The following VPS45 variants were observed in gnomAD, a reference collection of about 807,000 sequenced individuals.
The protein encoded by VPS45 is vacuolar protein sorting 45 homolog, also known as vacuolar protein sorting-associated protein 45.
A neutral mutation model predicts 75.9 loss-of-function variants in VPS45; 35 were observed. The observed-to-expected ratio is 0.46, with a 90% CI of 0.35 to 0.61. The LOEUF is 0.61. VPS45 is among the 20% of genes least tolerant of loss of function. The pLI is 0.00. For synonymous variants in VPS45, 220 were observed against 238.2 expected, an observed-to-expected ratio of 0.92 and a Z score of 0.70; for missense variants, 559 against 685.9, an observed-to-expected ratio of 0.81 and a Z score of 2.07.
At chr1:150,104,664 G>T (rs1657221398) in intron 13 of VPS45, among the ~76,000 whole-genome samples, 1 of 152,106 alleles carries the variant, frequency 6.6e-6, no homozygotes, top group Non-Finnish European at 1.5e-5. Context: ...AGCCTTCCCA[G>T]GCTCAAGTGA....
chr1:150,096,631 G>A (rs1175336187), intron 13 of VPS45, among the ~76,000 whole-genome samples: 1 of 152,156 alleles, frequency 6.6e-6, no homozygotes, highest in African/African-American at 2.4e-5. Context: ...AGTCTTCATG[G>A]AATAAAAGTG....
chr1:150,085,076 C>T (rs782660672), intron 10 of VPS45, among the ~76,000 whole-genome samples: 30 of 151,954 alleles, frequency 2.0e-4, no homozygotes, highest in Non-Finnish European at 4.1e-4. Flanking sequence ...AAAGATGTAT[C>T]CTAATCTATT....
At chr1:150,076,343 T>C in intron 4 of VPS45, 31 bp downstream of exon 4, 1 of 1,540,556 alleles carries the variant, frequency 6.5e-7, no homozygotes, top group Non-Finnish European at 8.9e-7. Flanking sequence ...ACACATCTCG[T>C]ATGTTGGCCC....
chr1:150,102,572 A>G (rs1473494487), intron 13 of VPS45, among the ~76,000 whole-genome samples: 1 of 151,606 alleles, frequency 6.6e-6, no homozygotes, highest in Non-Finnish European at 1.5e-5. Flanking sequence ...ACACGTGCAC[A>G]CAAATGTTCA....
intron 10 of VPS45, among the ~76,000 whole-genome samples, chr1:150,089,691 T>TA (rs782054765): frequency 5.3e-5 from 8 of 152,296 alleles, no homozygotes; most frequent in South Asian, 2.1e-4. Context: ...GTTTTAAACT[T>TA]ACGCTGTTGA....
At chr1:150,125,295 TC>T (rs1461024880) in intron 14 of VPS45, among the ~76,000 whole-genome samples, 150,057 of 150,062 alleles carry the variant, frequency 1, 75,026 homozygotes, top group Middle Eastern at 1. Flanking sequence ...TTCAAAATCT[TC>T]TTTTTTCTGT....
chr1:150,113,742 A>G (rs1657772426), intron 14 of VPS45, among the ~76,000 whole-genome samples: 1 of 151,926 alleles, frequency 6.6e-6, no homozygotes, highest in Admixed American at 6.6e-5. Flanking sequence ...CTAAAAATAC[A>G]AAAATTAGCC....
At chr1:150,095,671 A>T (rs1367496039) in intron 13 of VPS45, among the ~76,000 whole-genome samples, 1 of 151,308 alleles carries the variant, frequency 6.6e-6, no homozygotes, top group Non-Finnish European at 1.5e-5. Context: ...AAGCAGAGGG[A>T]AACACCAGAG....
chr1:150,067,599 G>A, upstream of VPS45: 4 of 476,430 alleles, frequency 8.4e-6, no homozygotes, highest in Non-Finnish European at 1.5e-5. Context: ...GGCATCTTCA[G>A]GCCGCAGGTG....
rs587748892 is a variant in VPS45, at chr1:150,116,119, G to A, written c.1625+5492G>A. On this transcript the variant is annotated intron_variant, in intron 14 of 14. Transcript: ENST00000644510. ...CTCCCTTAATTCTAGAAATGGAAGT[G>A]TCAGTGTGGTTATGATCTTGGGAGT... Among the ~76,000 whole-genome samples, 42 of 152,334 alleles carry A rather than the reference G, an allele frequency of 2.8e-4. No homozygotes were observed. In the South Asian group the frequency reaches 6.6e-3, roughly 24 times the overall value.
chr1:150,070,780 G>A (rs1553796896), intron 2 of VPS45, among the ~76,000 whole-genome samples: 1 of 151,936 alleles, frequency 6.6e-6, no homozygotes, highest in Non-Finnish European at 1.5e-5. Flanking sequence ...CTGTAGTCCA[G>A]CCTGGCGACA....
rs1553796198 is a variant in VPS45, at chr1:150,067,960, C to CTT, written c.93+13_93+14dup. ...CATGGATAAAGAGACGGTGAGTTTG[C>CTT]TTTTGCTCAGCATTTGTGAAGGAAC... is the stretch of plus-strand genomic sequence containing the variant. On this transcript the variant is annotated intron_variant, in intron 1 of 14. Transcript: ENST00000644510. 1.2e-6 allele frequency: 2 copies of CTT among 1,613,450 alleles called. No homozygotes were observed. Among genetic ancestry groups the CTT allele is most frequent in the Non-Finnish European group, 1.7e-6 (2 of 1,179,404 alleles).
chr1:150,126,155 G>A (rs188175226), intron 14 of VPS45, among the ~76,000 whole-genome samples: 73 of 152,082 alleles, frequency 4.8e-4, no homozygotes, highest in African/African-American at 1.5e-3. Context: ...AAGCAATTTA[G>A]CATTATATAT....
rs782170897 is a variant in VPS45, at chr1:150,092,316, T to G, written c.1278T>G (p.Val426=). Residue 426 remains valine, a synonymous_variant, in exon 12 of 15, where the codon GTT becomes GTG. Transcript: ENST00000644510. ...SEKYRKLVSA[V]VEYGGKRVRG... Reference sequence around the variant, plus strand: ...TTTCTTAATAGCTCGTGTCTGCAGTTGTTGAATATGGTGGTAAACGAGTCA... The same window carrying G: ...TTTCTTAATAGCTCGTGTCTGCAGTGGTTGAATATGGTGGTAAACGAGTCA... 1 of 1,613,998 alleles carries G rather than the reference T, an allele frequency of 6.2e-7. No individual in the cohort carries two copies. Among genetic ancestry groups the G allele is most frequent in the Non-Finnish European group, 8.5e-7 (1 of 1,179,994 alleles).
chr1:150,141,066 G>C (rs1441591117), intron 14 of VPS45, among the ~76,000 whole-genome samples: 1 of 152,078 alleles, frequency 6.6e-6, no homozygotes, highest in Non-Finnish European at 1.5e-5. Flanking sequence ...TGAGAGGTGA[G>C]GAGCATTTTC....
chr1:150,102,876 G>A (rs72694915), intron 13 of VPS45, among the ~76,000 whole-genome samples: 16,080 of 152,088 alleles, frequency 0.11, 1,192 homozygotes, highest in Non-Finnish European at 0.16. Context: ...GAGCAGGAAG[G>A]GTCAAAGGAG....
intron 13 of VPS45, among the ~76,000 whole-genome samples, chr1:150,106,389 A>G (rs1657325852): frequency 6.6e-6 from 1 of 152,244 alleles, no homozygotes; most frequent in Non-Finnish European, 1.5e-5. Context: ...AAGTAAAAAC[A>G]ACCCCATTAA....
At chr1:150,137,001 C>T (rs1436842524) in intron 14 of VPS45, among the ~76,000 whole-genome samples, 3 of 152,116 alleles carry the variant, frequency 2.0e-5, no homozygotes, top group South Asian at 2.1e-4. Context: ...CAGGTTCAAG[C>T]GATTCTCCAG....
intron 10 of VPS45, among the ~76,000 whole-genome samples, chr1:150,086,847 G>T (rs1553800776): frequency 6.6e-6 from 1 of 152,004 alleles, no homozygotes; most frequent in South Asian, 2.1e-4. Context: ...TCAGCATGTG[G>T]AAGTCTTCTG....
Sources: gnomAD v4.1 joint callset for allele counts (sites outside exome capture counted in the v4.1 genomes callset) on GRCh38, gnomAD v4.1.1 for gene constraint, MANE v1.5 for transcripts, NCBI Gene and HGNC (gene_info 2026-07-23, HGNC 2026-07-21) for gene names.